Variants in LMF1 observed in about 807,000 individuals in gnomAD.
The protein encoded by LMF1 is transmembrane protein 112.
Under a neutral mutation model 60.6 loss-of-function variants are expected in LMF1, and 68 were observed. The ratio of observed to expected loss-of-function variants is 1.12; its 90% confidence interval spans 0.92 to 1.37. The LOEUF (loss-of-function observed/expected upper bound fraction) is 1.37, where lower values mean the gene tolerates loss of function less well. Ranked by LOEUF, LMF1 falls within the 40% of genes most tolerant of loss-of-function variation. The pLI is 0.00. For missense variants in LMF1, 948 were observed against 767.2 expected (o/e 1.24, Z -2.78); for synonymous variants, 418 against 324.7 (o/e 1.29, Z -3.09).
rs976642778 is a variant in LMF1 at position 878,524 on chromosome 16, G to C, written c.897+1046C>G. Among the ~76,000 whole-genome samples the C allele has an allele frequency of 6.6e-6, 1 of 152,208 alleles. No individual in the cohort carries two copies. Among genetic ancestry groups the C allele is most frequent in the African/African-American group, 2.4e-5 (1 of 41,442 alleles). ...AATACATCCACAGGATGACGAGATT[G>C]CACCTCTGCACGGCAGGCTGTGGTG... On this transcript the variant is annotated intron_variant, in intron 6 of 10. Transcript: ENST00000262301. The surrounding 1 kb of genome is among the most constrained non-coding windows in gnomAD (Gnocchi z 5.2).
At chr16:895,466 C>T (rs2070636939) in intron 4 of LMF1, among the ~76,000 whole-genome samples, 1 of 152,168 alleles carries the variant, frequency 6.6e-6, no homozygotes, top group Non-Finnish European at 1.5e-5. Flanking sequence ...GGCCGTGGGC[C>T]CCTAGCCGGG....
In LMF1 at chr16:910,004, A is replaced by G. The variant is rs1193328725; in HGVS notation, c.663+927T>C. Among the ~76,000 whole-genome samples, 3 of 152,242 alleles carry G rather than the reference A, an allele frequency of 2.0e-5. No homozygotes were observed. The East Asian group carries it at 5.8e-4, about 29-fold the overall frequency. ...AACACTTAAGCAAACAGATGCTCAG[A>G]GAGCATATCTGTACGACATGGTTTC... On this transcript the variant is annotated intron_variant, in intron 4 of 10. Transcript: ENST00000262301.
intron 1 of LMF1, among the ~76,000 whole-genome samples, chr16:955,859 G>A (rs968108546): frequency 3.3e-5 from 5 of 152,296 alleles, no homozygotes; most frequent in African/African-American, 9.6e-5. Flanking sequence ...CACGCTGCAG[G>A]GCTTGACACT....
intron 1 of LMF1, 76 bp from the exon 2 acceptor site, chr16:954,742 G>A (rs2072628517): frequency 1.4e-6 from 2 of 1,396,704 alleles, no homozygotes; most frequent in Non-Finnish European, 1.9e-6. Context: ...AGCTCAGAAT[G>A]CGGGGCGAGG....
chr16:954,047 G>GT, intron 2 of LMF1, among the ~76,000 whole-genome samples: 2 of 131,660 alleles, frequency 1.5e-5, no homozygotes, highest in South Asian at 2.5e-4. Flanking sequence ...CCTCCTACAC[G>GT]TCCACACAGA....
chr16:883,520 C>T (rs1468607651), intron 5 of LMF1, among the ~76,000 whole-genome samples: 1 of 152,200 alleles, frequency 6.6e-6, no homozygotes, highest in Non-Finnish European at 1.5e-5. Flanking sequence ...GGGAAAACCC[C>T]ATTTTAGAGA....
At chr16:910,897 T>C (rs774497778) in intron 4 of LMF1, 34 bp downstream of exon 4, 1 of 1,610,202 alleles carries the variant, frequency 6.2e-7, no homozygotes, top group East Asian at 2.2e-5. Flanking sequence ...GCCACCGTTA[T>C]TCCCCAAACA....
In LMF1 at chr16:954,521, G is replaced by T. The variant is rs765038822; in HGVS notation, c.339C>A (p.Ile113=). 3 of 1,612,988 alleles carry T rather than the reference G, an allele frequency of 1.9e-6. No individual in the cohort carries two copies. In the South Asian group the frequency reaches 3.3e-5, roughly 18 times the overall value. Residue 113 remains isoleucine, a synonymous_variant, in exon 2 of 11, where the codon ATC becomes ATA. Coordinates refer to ENST00000262301, the MANE Select transcript of LMF1 (RefSeq NM_022773.4). ...SWEVFSYMPT[I]LWLMDWSDMN... is the part of the protein sequence containing the mutation. ...TGTCTGACCAGTCCATCAGCCAGAG[G>T]ATGGTGGGCATGTAGCTGAAGACTT...
intron 4 of LMF1, among the ~76,000 whole-genome samples, chr16:893,603 A>G (rs2070559868): frequency 6.6e-6 from 1 of 152,076 alleles, no homozygotes; most frequent in African/African-American, 2.4e-5. Flanking sequence ...GGGGCACGGG[A>G]CAGGCTTCCA....
At chr16:884,104 G>C (rs2070241145) in intron 5 of LMF1, 2 of 152,182 alleles carry the variant, frequency 1.3e-5, no homozygotes, top group Non-Finnish European at 2.9e-5. Context: ...ACTGTGAAAT[G>C]GCCTCTTTAC....
chr16:888,991 T>TGG (rs748036067), intron 5 of LMF1, among the ~76,000 whole-genome samples: 4 of 152,202 alleles, frequency 2.6e-5, no homozygotes, highest in African/African-American at 9.7e-5. Flanking sequence ...GACATGGCTC[T>TGG]GGTCCCTCTG....
chr16:898,912 C>A (rs1207664455), intron 4 of LMF1: 1 of 152,208 alleles, frequency 6.6e-6, no homozygotes, highest in Non-Finnish European at 1.5e-5. Context: ...TCGGCGTGAA[C>A]CCAGAAAGGC....
rs542463609 is a variant in LMF1 at position 921,398 on chromosome 16, G to A, written c.515-10319C>T. On this transcript the variant is annotated intron_variant, in intron 3 of 10. Transcript: ENST00000262301. Reference sequence around the variant, plus strand: ...ACGGACCTGCGCTCCCTGCAGAGACGTGGACAAGGCAGGCCCTGTGGAAAG... The same window carrying A: ...ACGGACCTGCGCTCCCTGCAGAGACATGGACAAGGCAGGCCCTGTGGAAAG... Among the ~76,000 whole-genome samples, 48 of 152,158 alleles carry A rather than the reference G, an allele frequency of 3.2e-4. No homozygotes were observed. In the Middle Eastern group the frequency reaches 0.02, roughly 65 times the overall value.
intron 4 of LMF1, among the ~76,000 whole-genome samples, chr16:909,726 C>T (rs573716006): frequency 9.8e-5 from 15 of 152,304 alleles, no homozygotes; most frequent in African/African-American, 2.6e-4. Context: ...GCAGCTGCCC[C>T]GGGGGGACAG....
At chr16:875,130 G>A (rs772532919) in intron 6 of LMF1, among the ~76,000 whole-genome samples, 1 of 152,114 alleles carries the variant, frequency 6.6e-6, no homozygotes, top group Admixed American at 6.5e-5. Context: ...CCTGACCTCC[G>A]AGGCCTGGAA....
chr16:967,248 G>A (rs572181477), intron 1 of LMF1, among the ~76,000 whole-genome samples: 5 of 152,326 alleles, frequency 3.3e-5, no homozygotes, highest in Admixed American at 2.0e-4. Flanking sequence ...CTCCAGACCA[G>A]CTGTTTGCCA....
Position 921,321 on chromosome 16 carries a change from G to A in LMF1, c.515-10242C>T, listed in dbSNP as rs1052252771. Among the ~76,000 whole-genome samples, 8 of 152,296 alleles carry A rather than the reference G, an allele frequency of 5.3e-5. No individual in the cohort carries two copies. The South Asian group carries it at 1.2e-3, about 24-fold the overall frequency. ...CAGAGCCCTCCTGCGGTGAACAGTC[G>A]CCATAGCCCTTCTTGAGGGGCTGCT... On this transcript the variant is annotated intron_variant, in intron 3 of 10. Transcript: ENST00000262301.
rs1241033914 is a variant in LMF1, at chr16:911,048, G to A, written c.546C>T (p.Phe182=). Residue 182 remains phenylalanine (F), a synonymous_variant, in exon 4 of 11, where the codon TTC becomes TTT. Transcript: ENST00000262301. ...GWESQLLETG[F]LGIFLCPLWT... is the part of the protein sequence containing the mutation. ...ACAGAGGGCACAGGAAGATCCCCAG[G>A]AACCCCGTCTCCAGAAGCTGGGACT... The A allele has an allele frequency of 1.9e-6, 3 of 1,612,864 alleles. No homozygotes were observed. The highest frequency in any genetic ancestry group is 1.7e-6 in the Non-Finnish European group (2 of 1,179,738).
At position 898,298 on chromosome 16, in the gene LMF1, C is replaced by G. The variant is rs947461243; in HGVS notation, c.664-5226G>C. ...TGAGTTTGAGGGCAGCTGTTTCCTC[C>G]CCAAGCACCTGGAAAAGGCTGTCCC... On this transcript the variant is annotated intron_variant, in intron 4 of 10. Transcript: ENST00000262301. 7.9e-5 allele frequency among the ~76,000 whole-genome samples: 10 copies of G among 127,236 alleles called. No individual in the cohort carries two copies. The East Asian group carries it at 9.5e-4, about 12-fold the overall frequency. The allele number at this position is 127,236 out of a possible 152,430, so 83.5% of individuals were successfully genotyped here.
Sources: allele counts gnomAD v4.1 joint callset (sites outside exome capture counted in the v4.1 genomes callset), GRCh38; gene constraint gnomAD v4.1.1; non-coding constraint Gnocchi (gnomAD v3.1); transcripts MANE v1.5; gene names NCBI Gene and HGNC (gene_info 2026-07-23, HGNC 2026-07-21).